The following ITIH1 variants were observed in gnomAD, a reference collection of about 807,000 sequenced individuals.
ITIH1 encodes the protein inter-alpha-trypsin inhibitor heavy chain H1.
ITIH1 carries 94 observed loss-of-function variants against 104.6 expected under a neutral mutation model. That is an observed-to-expected ratio of 0.90 (90% CI 0.76 to 1.07). The LOEUF (loss-of-function observed/expected upper bound fraction) is 1.07, where lower values mean the gene tolerates loss of function less well. ITIH1 is among the 50% of genes least tolerant of loss of function. The pLI is 0.00. For missense variants in ITIH1, 1,193 were observed against 1,181.4 expected (o/e 1.01, Z -0.14); for synonymous variants, 455 against 464.4 (o/e 0.98, Z 0.26).
chr3:52,791,763 C>A lies in ITIH1; in HGVS notation c.2607-19C>A. 6.2e-7 allele frequency: 1 copy of A among 1,608,666 alleles called. No individual in the cohort carries two copies. Among genetic ancestry groups the A allele is most frequent in the Non-Finnish European group, 8.5e-7 (1 of 1,176,850 alleles). On this transcript the variant is annotated intron_variant, in intron 21 of 21. Transcript: ENST00000273283. ...CTACTGGTCCGAAGGGTGACCCCAGCTGACTTGTCTCTGCACAGGGGTTTG... is the reference window on the plus strand; with the variant it reads ...CTACTGGTCCGAAGGGTGACCCCAGATGACTTGTCTCTGCACAGGGGTTTG...
Position 52,791,571 on chromosome 3 carries a change from A to T in ITIH1, c.2549A>T (p.Asp850Val), listed in dbSNP as rs1168235453. ...GTGTCTGACATCCACCCAGGCTCTG[A>T]CCCCACAAAGCCAGATGCCACGATG... ...FEVSDIHPGS[D>V]PTKPDATMVV... Residue 850 changes from aspartate (D) to valine (V), a missense_variant, in exon 21 of 22, where the codon GAC becomes GTC. Coordinates refer to ENST00000273283, the MANE Select transcript of ITIH1 (RefSeq NM_002215.4). The T allele has an allele frequency of 6.2e-7, 1 of 1,613,852 alleles. No homozygotes were observed. The highest frequency in any genetic ancestry group is 8.5e-7 in the Non-Finnish European group (1 of 1,179,990).
At position 52,783,034 on chromosome 3, in the gene ITIH1, A is replaced by C. The variant is rs548214991; in HGVS notation, c.1008A>C (p.Arg336=). The part of the protein sequence containing the change: ...DYFDLVLFGT[R]VQSWKGSLVQ... ...TTGACCTGGTTCTTTTTGGGACTCG[A>C]GTACAATCGTGGAAGGGCTCGCTGG... Residue 336 remains arginine, a synonymous_variant, in exon 9 of 22, where the codon CGA becomes CGC. Transcript: ENST00000273283. The C allele has an allele frequency of 2.5e-6, 4 of 1,614,024 alleles. No individual in the cohort carries two copies. In the South Asian group the frequency reaches 3.3e-5, roughly 13 times the overall value.
Position 52,782,013 on chromosome 3 carries a change from G to T in ITIH1, c.761G>T (p.Gly254Val), listed in dbSNP as rs1400541866. ...CPTCSTSLLN[G>V]HFKVTYDVSR... is the part of the protein sequence containing the mutation. ...ACATGCTCTACATCCTTACTGAACG[G>T]GCACTTCAAGGTGACCTACGATGTC... The change falls in exon 7 of 22, where the codon GGG becomes GTG. Residue 254 changes from glycine to valine, a missense_variant. Physicochemically the swap from Gly to Val is moderately radical, Grantham distance 109 (BLOSUM62 -3). Transcript: ENST00000273283. The T allele has an allele frequency of 1.2e-6, 2 of 1,613,984 alleles. No individual in the cohort carries two copies. The highest frequency in any genetic ancestry group is 1.7e-6 in the Non-Finnish European group (2 of 1,180,034).
chr3:52,783,873 G>C (rs576154120), intron 10 of ITIH1, among the ~76,000 whole-genome samples: 30 of 152,132 alleles, frequency 2.0e-4, no homozygotes, highest in Non-Finnish European at 2.8e-4. Flanking sequence ...GCTCAGTCTA[G>C]AAAGAGGGGA....
In ITIH1 at chr3:52,784,403, G is replaced by A. The variant is rs144262032; in HGVS notation, c.1333G>A (p.Glu445Lys). 1.2e-6 allele frequency: 2 copies of A among 1,614,166 alleles called. No individual in the cohort carries two copies. Among genetic ancestry groups the A allele is most frequent in the East Asian group, 2.2e-5 (1 of 44,882 alleles). ...CCACAATGTGGACTTTAACTTTCTGGAGGTCATGTCCATGGAGAACAACGG... is the reference window on the plus strand; with the variant it reads ...CCACAATGTGGACTTTAACTTTCTGAAGGTCATGTCCATGGAGAACAACGG... ...FGHNVDFNFL[E>K]VMSMENNGRA... The change falls in exon 11 of 22, where the codon GAG becomes AAG. Residue 445 changes from glutamate to lysine, a missense_variant. Coordinates refer to ENST00000273283, the MANE Select transcript of ITIH1 (RefSeq NM_002215.4).
chr3:52,780,162 G>A, intron 5 of ITIH1, 107 bp from the exon 6 acceptor site: 1 of 981,964 alleles, frequency 1.0e-6, no homozygotes, highest in Non-Finnish European at 1.5e-6. Context: ...CTACGTGGGA[G>A]GCTGAGGCAG....
Position 52,779,489 on chromosome 3 carries a change from C to G in ITIH1, c.468C>G (p.Ser156Arg). The change falls in exon 5 of 22, where the codon AGC (serine) becomes AGG (arginine). Residue 156 changes from serine (S) to arginine (R), a missense_variant. Physicochemically the swap from Ser to Arg is moderately radical, Grantham distance 110. Transcript: ENST00000273283. This position sits in a 1 kb window ranked among gnomAD's most constrained non-coding sequence, Gnocchi z 4.4. ...FTIHLTVNPQ[S>R]KVTFQLTYEE... is the part of the protein sequence containing the mutation. The stretch of plus-strand genomic sequence containing the variant: ...TCCACCTCACCGTCAATCCCCAGAG[C>G]AAGGTCACGTTTCAGCTGACTTATG... 6.2e-7 allele frequency: 1 copy of G among 1,614,260 alleles called. No individual in the cohort carries two copies. The highest frequency in any genetic ancestry group is 8.5e-7 in the Non-Finnish European group (1 of 1,180,046).
chr3:52,785,673 C>A (rs1699179829), intron 12 of ITIH1, among the ~76,000 whole-genome samples: 1 of 152,172 alleles, frequency 6.6e-6, no homozygotes, highest in South Asian at 2.1e-4. Flanking sequence ...AGGACACAGA[C>A]AACGCCCTAA....
At position 52,785,235 on chromosome 3, in the gene ITIH1, T is replaced by C; in HGVS notation, c.1593+6T>C. The C allele has an allele frequency of 6.2e-7, 1 of 1,613,376 alleles. No homozygotes were observed. The highest frequency in any genetic ancestry group is 8.5e-7 in the Non-Finnish European group (1 of 1,179,626). On this transcript the variant is annotated splice_donor_region_variant and intron_variant, in intron 12 of 21. Transcript: ENST00000273283. ...CTGATGTGCAGGCCCATGGGGTAAA[T>C]GGTGGGCCATGGAGGGTGGAGAGGC...
rs1263615647 is a variant in ITIH1, at chr3:52,779,633, C to T, written c.573+39C>T. 6.2e-7 allele frequency: 1 copy of T among 1,608,676 alleles called. No individual in the cohort carries two copies. Among genetic ancestry groups the T allele is most frequent in the South Asian group, 1.1e-5 (1 of 90,878 alleles). Reference sequence around the variant, plus strand: ...CCCGGGGCAGGGGTCCTGCCCCTCTCTCCGTCACCATGGCTCCCAACACTG... The same window carrying T: ...CCCGGGGCAGGGGTCCTGCCCCTCTTTCCGTCACCATGGCTCCCAACACTG... On this transcript the variant is annotated intron_variant, in intron 5 of 21. Coordinates refer to ENST00000273283, the MANE Select transcript of ITIH1 (RefSeq NM_002215.4). This position sits in a 1 kb window ranked among gnomAD's most constrained non-coding sequence, Gnocchi z 4.4.
At chr3:52,790,416 C>A (rs577516712) in intron 19 of ITIH1, 1 of 316,514 alleles carries the variant, frequency 3.2e-6, no homozygotes, top group Non-Finnish European at 5.9e-6. Context: ...TGATATTAGA[C>A]AGCCTGAAGT....
At chr3:52,788,437 C>T (rs1477770788) in intron 18 of ITIH1, 92 bp downstream of exon 18, 2 of 846,380 alleles carry the variant, frequency 2.4e-6, no homozygotes, top group Middle Eastern at 6.8e-4. Context: ...AAGGCCCTCA[C>T]TGCCCTCTGC....
In ITIH1 at chr3:52,777,991, T is replaced by C; in HGVS notation, c.118-6T>C. 6.2e-7 allele frequency: 1 copy of C among 1,614,192 alleles called. No homozygotes were observed. Among genetic ancestry groups the C allele is most frequent in the South Asian group, 1.1e-5 (1 of 91,090 alleles). The stretch of plus-strand genomic sequence containing the variant: ...TCTCACACTTGACCCTGATTTTGTT[T>C]TGCAGAAGCGACAGGCTGTGGACAC... On this transcript the variant is annotated splice_region_variant and splice_polypyrimidine_tract_variant and intron_variant, in intron 1 of 21. Transcript: ENST00000273283.
intron 11 of ITIH1, 92 bp from the exon 12 acceptor site, chr3:52,784,952 C>A: frequency 1.5e-6 from 2 of 1,306,170 alleles, no homozygotes; most frequent in Non-Finnish European, 2.2e-6. Context: ...CCTTCTCTAA[C>A]TTGGGAATTC....
intron 6 of ITIH1, among the ~76,000 whole-genome samples, chr3:52,781,240 TC>T (rs1446124259): frequency 1.0e-5 from 1 of 96,844 alleles, no homozygotes; most frequent in Non-Finnish European, 2.4e-5. Context: ...TTCTTCTTCT[TC>T]TTCTTCTTCT....
At chr3:52,788,124 GTCTC>G (rs113855851) in intron 17 of ITIH1, 58 bp downstream of exon 17, 106 of 1,522,512 alleles carry the variant, frequency 7.0e-5, no homozygotes, top group Admixed American at 1.4e-4. Flanking sequence ...CTATCTGGCT[GTCTC>G]TCTCTCTCTG....
At chr3:52,778,889 C>T in intron 3 of ITIH1, 53 bp from the exon 4 acceptor site, 3 of 1,339,518 alleles carry the variant, frequency 2.2e-6, no homozygotes, top group Admixed American at 3.4e-5. Context: ...CCTCTCAGGA[C>T]CTGTGTGGTC....
At position 52,779,904 on chromosome 3, in the gene ITIH1, C is replaced by T. The variant is rs549460946; in HGVS notation, c.573+310C>T. 36 of 1,380,662 alleles carry T rather than the reference C, an allele frequency of 2.6e-5. No homozygotes were observed. Among genetic ancestry groups the T allele is most frequent in the Middle Eastern group, 2.7e-4 (1 of 3,640 alleles). The allele number at this position is 1,380,662 out of a possible 1,614,324, so 85.5% of individuals were successfully genotyped here. Reference sequence around the variant, plus strand: ...TAATTTTGTAAACTAGAAAGTCCCGCGCAGCCTGAGGGCCTGGAATTATTG... The same window carrying T: ...TAATTTTGTAAACTAGAAAGTCCCGTGCAGCCTGAGGGCCTGGAATTATTG... On this transcript the variant is annotated intron_variant, in intron 5 of 21. Transcript: ENST00000273283. This position sits in a 1 kb window ranked among gnomAD's most constrained non-coding sequence, Gnocchi z 4.4.
In ITIH1 at chr3:52,787,217, G is replaced by A. The variant is rs1326981345; in HGVS notation, c.1903+15G>A. 2.5e-6 allele frequency: 4 copies of A among 1,613,666 alleles called. No homozygotes were observed. The highest frequency in any genetic ancestry group is 1.7e-5 in the Admixed American group (1 of 60,000). ...TCCGCCTTTGGGTGAGTTTTAAATT[G>A]CATTAGTTTCAGTTCTGGGCTTCGG... On this transcript the variant is annotated intron_variant, in intron 15 of 21. Transcript: ENST00000273283.
Sources: gnomAD v4.1 joint callset for allele counts (sites outside exome capture counted in the v4.1 genomes callset) on GRCh38, gnomAD v4.1.1 for gene constraint, Gnocchi (gnomAD v3.1) non-coding constraint, MANE v1.5 for transcripts, NCBI Gene and HGNC (gene_info 2026-07-23, HGNC 2026-07-21) for gene names.